Variants in HDLBP observed in about 807,000 individuals in gnomAD.
HDLBP encodes high density lipoprotein binding protein.
HDLBP carries 30 observed loss-of-function variants against 137.3 expected under a neutral mutation model. The ratio of observed to expected loss-of-function variants is 0.22; its 90% CI spans 0.16 to 0.30. The LOEUF (loss-of-function observed/expected upper bound fraction) is 0.30. Ranked by LOEUF, HDLBP falls within the 10% of genes least tolerant of loss-of-function variation. HDLBP has a pLI of 1.00. For missense variants in HDLBP, 1,119 were observed against 1,667.3 expected (o/e 0.67, Z 5.73); for synonymous variants, 606 against 596.0 (o/e 1.02, Z -0.24).
chr2:241,245,061 T>C (rs2071553982), intron 16 of HDLBP, among the ~76,000 whole-genome samples: 1 of 151,906 alleles, frequency 6.6e-6, no homozygotes. Context: ...TTTACCACAA[T>C]TGAGGAAAAA....
chr2:241,287,581 G>A (rs749399012), intron 1 of HDLBP, among the ~76,000 whole-genome samples: 1 of 152,092 alleles, frequency 6.6e-6, no homozygotes, highest in Non-Finnish European at 1.5e-5. Flanking sequence ...CACTATGCCT[G>A]GCTAATTTTT....
At chr2:241,311,530 G>C (rs562433742) in intron 1 of HDLBP, among the ~76,000 whole-genome samples, 1 of 152,184 alleles carries the variant, frequency 6.6e-6, no homozygotes, top group African/African-American at 2.4e-5. Flanking sequence ...GATTGGAGGC[G>C]CTGGGAGAGA....
intron 1 of HDLBP, chr2:241,273,459 A>G (rs767793621): frequency 4.2e-5 from 20 of 474,918 alleles, no homozygotes; most frequent in Non-Finnish European, 5.0e-5. Context: ...CTCTGAGCCC[A>G]CGGTGGATAC....
chr2:241,279,088 C>G (rs1337970564), intron 1 of HDLBP, among the ~76,000 whole-genome samples: 1 of 152,118 alleles, frequency 6.6e-6, no homozygotes, highest in Non-Finnish European at 1.5e-5. Context: ...ATTTATAGAA[C>G]TTATAAAAAC....
intron 3 of HDLBP, among the ~76,000 whole-genome samples, chr2:241,265,141 G>A (rs557662470): frequency 3.7e-4 from 57 of 152,334 alleles, no homozygotes; most frequent in Admixed American, 1.5e-3. Flanking sequence ...CGTGGAGGCC[G>A]GGCGTGGTGG....
chr2:241,235,672 C>G (rs1053690855), intron 21 of HDLBP, 78 bp from the exon 22 acceptor site: 1 of 988,170 alleles, frequency 1.0e-6, no homozygotes, highest in Admixed American at 1.9e-5. Flanking sequence ...TGGGGCTCCA[C>G]GAAACACAAG....
chr2:241,266,107 A>C (rs1176051704), intron 3 of HDLBP, among the ~76,000 whole-genome samples: 1 of 152,242 alleles, frequency 6.6e-6, no homozygotes, highest in Non-Finnish European at 1.5e-5. Context: ...ATAACATCTA[A>C]ACACAGATCA....
In HDLBP at chr2:241,239,485, C is replaced by G; in HGVS notation, c.2610+117G>C. 1 of 795,732 alleles carries G rather than the reference C, an allele frequency of 1.3e-6. No individual in the cohort carries two copies. The highest frequency in any genetic ancestry group is 2.1e-6 in the Non-Finnish European group (1 of 485,460). The allele number at this position is 795,732 out of a possible 1,614,324, so 49.3% of individuals were successfully genotyped here. A position where few individuals can be genotyped will look rare whatever the true frequency, so the allele number is the denominator to read the frequency against. ...AGCACCAGAAAGCCCCTTCTGAAGCCTTCCAGGGCTGTATGAGGGAGTCAC... is the reference window on the plus strand; with the variant it reads ...AGCACCAGAAAGCCCCTTCTGAAGCGTTCCAGGGCTGTATGAGGGAGTCAC... On this transcript the variant is annotated intron_variant, in intron 19 of 27. Transcript: ENST00000310931. This position sits in a 1 kb window ranked among gnomAD's most constrained non-coding sequence, Gnocchi z 4.6.
At chr2:241,302,248 C>T (rs1243638759) in intron 1 of HDLBP, among the ~76,000 whole-genome samples, 1 of 151,998 alleles carries the variant, frequency 6.6e-6, no homozygotes, top group Non-Finnish European at 1.5e-5. Flanking sequence ...TGAGCAAGAC[C>T]CTGTGTCAAA....
At chr2:241,264,849 T>TACCCCCA (rs2073528802) in intron 3 of HDLBP, among the ~76,000 whole-genome samples, 1 of 152,068 alleles carries the variant, frequency 6.6e-6, no homozygotes. Context: ...ACAGCGAACC[T>TACCCCCA]ACCCCCATCC....
chr2:241,241,068 T>C (rs905956603), intron 17 of HDLBP, among the ~76,000 whole-genome samples: 1 of 151,952 alleles, frequency 6.6e-6, no homozygotes, highest in African/African-American at 2.4e-5. Context: ...GGCAATCAAT[T>C]AGGCAAATGC....
At chr2:241,310,083 A>C (rs1446781933) in intron 1 of HDLBP, among the ~76,000 whole-genome samples, 1 of 152,224 alleles carries the variant, frequency 6.6e-6, no homozygotes, top group African/African-American at 2.4e-5. Context: ...GAGCAGCCTC[A>C]ATAGTGACTT....
At chr2:241,282,630 A>G (rs1025527469) in intron 1 of HDLBP, among the ~76,000 whole-genome samples, 11 of 152,204 alleles carry the variant, frequency 7.2e-5, no homozygotes, top group African/African-American at 2.7e-4. Context: ...ACATTTTGGT[A>G]ATTCTAGCAA....
intron 1 of HDLBP, among the ~76,000 whole-genome samples, chr2:241,293,921 C>CAAA (rs56186900): frequency 3.1e-5 from 3 of 97,626 alleles, no homozygotes; most frequent in Admixed American, 2.2e-4. Context: ...GACCCTGCCT[C>CAAA]AAAAAAAAAA....
intron 1 of HDLBP, among the ~76,000 whole-genome samples, chr2:241,270,575 T>C (rs1306547391): frequency 6.6e-6 from 1 of 152,184 alleles, no homozygotes; most frequent in Non-Finnish European, 1.5e-5. Context: ...CTGGGTGAGA[T>C]TTTCTTAAAA....
At chr2:241,303,139 T>A (rs975914336) in intron 1 of HDLBP, among the ~76,000 whole-genome samples, 1 of 152,024 alleles carries the variant, frequency 6.6e-6, no homozygotes, top group African/African-American at 2.4e-5. Flanking sequence ...ATTTCCCCAC[T>A]CCAGAAAGAA....
At chr2:241,258,423 C>T (rs2149496651) in intron 5 of HDLBP, among the ~76,000 whole-genome samples, 1 of 149,606 alleles carries the variant, frequency 6.7e-6, no homozygotes, top group Middle Eastern at 3.5e-3. Context: ...ACTGGGGTGG[C>T]TGAGGCAGGA....
intron 23 of HDLBP, 126 bp from the exon 24 acceptor site, chr2:241,234,089 T>C (rs1467479924): frequency 1.9e-6 from 2 of 1,077,032 alleles, no homozygotes; most frequent in African/African-American, 3.1e-5. Context: ...TGGTCCGGAA[T>C]GGTCCGCCAT....
Position 241,272,256 on chromosome 2 carries a change from G to A in HDLBP, c.-102-3715C>T, listed in dbSNP as rs1010654856. 4 of 965,772 alleles carry A rather than the reference G, an allele frequency of 4.1e-6. No individual in the cohort carries two copies. Among genetic ancestry groups the A allele is most frequent in the Non-Finnish European group, 4.9e-6 (4 of 812,622 alleles). The allele number at this position is 965,772 out of a possible 1,614,324, so 59.8% of individuals were successfully genotyped here. A position where few individuals can be genotyped will look rare whatever the true frequency, so the allele number is the denominator to read the frequency against. On this transcript the variant is annotated intron_variant, in intron 1 of 27. Transcript: ENST00000310931. This position sits in a 1 kb window ranked among gnomAD's most constrained non-coding sequence, Gnocchi z 5.6. ...CCAGACCCCCGCCCCGCCGCCACCTGGGGGGAAGGACCCCGCTGGCCTCCC... is the reference window on the plus strand; with the variant it reads ...CCAGACCCCCGCCCCGCCGCCACCTAGGGGGAAGGACCCCGCTGGCCTCCC...
Sources: allele counts gnomAD v4.1 joint callset (sites outside exome capture counted in the v4.1 genomes callset), GRCh38; gene constraint gnomAD v4.1.1; non-coding constraint Gnocchi (gnomAD v3.1); transcripts MANE v1.5; gene names NCBI Gene and HGNC (gene_info 2026-07-23, HGNC 2026-07-21).